Variants in UBAC2 observed in about 807,000 individuals in gnomAD.
The protein encoded by UBAC2 is ubiquitin-associated domain-containing protein 2.
Under a neutral mutation model 44.0 loss-of-function variants are expected in UBAC2, and 26 were observed. The observed-to-expected ratio is 0.59, with a 90% CI of 0.43 to 0.82. The LOEUF (loss-of-function observed/expected upper bound fraction) is 0.82. UBAC2 is among the 40% of genes least tolerant of loss of function. UBAC2 has a pLI of 0.00. For synonymous variants in UBAC2, 155 were observed against 154.3 expected (o/e 1.00, Z -0.04); for missense variants, 329 against 419.4 (o/e 0.78, Z 1.88).
intron 8 of UBAC2, among the ~76,000 whole-genome samples, chr13:99,383,520 G>A (rs555366579): frequency 9.2e-5 from 14 of 152,330 alleles, no homozygotes; most frequent in Non-Finnish European, 2.1e-4. Context: ...ACCTGAGGGC[G>A]CCATAGTGTC....
chr13:99,323,490 G>A (rs1454346833), intron 6 of UBAC2, among the ~76,000 whole-genome samples: 1 of 152,166 alleles, frequency 6.6e-6, no homozygotes, highest in East Asian at 1.9e-4. Context: ...AAAGCCATGA[G>A]GGTGATGGGA....
chr13:99,223,565 T>G (rs2043076677), intron 1 of UBAC2, among the ~76,000 whole-genome samples: 2 of 99,256 alleles, frequency 2.0e-5, no homozygotes, highest in African/African-American at 6.6e-5. Flanking sequence ...TTTTTTTTTT[T>G]TAAGATTGTA....
chr13:99,379,444 G>T (rs906954903), intron 8 of UBAC2, among the ~76,000 whole-genome samples: 2 of 152,132 alleles, frequency 1.3e-5, no homozygotes, highest in African/African-American at 4.8e-5. Flanking sequence ...AAAAAATTTG[G>T]TTTCATGTTT....
chr13:99,348,965 A>T (rs925201612), intron 7 of UBAC2, among the ~76,000 whole-genome samples: 1 of 152,240 alleles, frequency 6.6e-6, no homozygotes, highest in African/African-American at 2.4e-5. Flanking sequence ...TCACGGCTCA[A>T]AAAGAAAAAG....
intron 7 of UBAC2, among the ~76,000 whole-genome samples, chr13:99,344,088 C>T (rs1280966800): frequency 2.0e-5 from 3 of 152,178 alleles, no homozygotes; most frequent in Non-Finnish European, 4.4e-5. Context: ...AGACCACCAC[C>T]ATTTATTTTG....
chr13:99,253,553 A>T (rs558092350), intron 4 of UBAC2, among the ~76,000 whole-genome samples: 1 of 151,912 alleles, frequency 6.6e-6, no homozygotes, highest in South Asian at 2.1e-4. Context: ...TCGCTTTGTC[A>T]CCCAGGCTGG....
At chr13:99,362,484 A>G (rs928611420) in intron 7 of UBAC2, among the ~76,000 whole-genome samples, 1 of 152,220 alleles carries the variant, frequency 6.6e-6, no homozygotes, top group African/African-American at 2.4e-5. Context: ...TCAGCAACTT[A>G]TCAGAGTTCC....
At chr13:99,293,203 G>A (rs1731722785) in intron 4 of UBAC2, among the ~76,000 whole-genome samples, 1 of 152,178 alleles carries the variant, frequency 6.6e-6, no homozygotes, top group Admixed American at 6.5e-5. Context: ...ATAGTGGAGG[G>A]AGGAGGCAGA....
In UBAC2 at chr13:99,291,245, G is replaced by A. The variant is rs1421961625; in HGVS notation, c.390-22852G>A. On this transcript the variant is annotated intron_variant, in intron 4 of 8. Transcript: ENST00000403766. ...GTGGCATGTAGTCAGTGATCAGCAA[G>A]GTCTTAATCGAATAGAAATTTGGGG... 2.0e-5 allele frequency among the ~76,000 whole-genome samples: 3 copies of A among 152,164 alleles called. No homozygotes were observed. In the East Asian group the frequency reaches 5.8e-4, roughly 29 times the overall value.
At chr13:99,238,688 A>T in intron 2 of UBAC2, 134 bp downstream of exon 2, 2 of 789,514 alleles carry the variant, frequency 2.5e-6, no homozygotes, top group Non-Finnish European at 3.5e-6. Flanking sequence ...TTAATATTTC[A>T]TTAAGTAACT....
chr13:99,320,974 A>G (rs1007973751), intron 6 of UBAC2, among the ~76,000 whole-genome samples: 2 of 152,216 alleles, frequency 1.3e-5, no homozygotes, highest in African/African-American at 2.4e-5. Flanking sequence ...AATTCTTACT[A>G]TGCAAAAGAA....
chr13:99,329,802 C>G (rs1212575346), intron 6 of UBAC2, among the ~76,000 whole-genome samples: 4 of 152,204 alleles, frequency 2.6e-5, no homozygotes, highest in African/African-American at 9.7e-5. Context: ...TGACTACAGC[C>G]TCATGAGAGA....
At chr13:99,201,937 G>GTGGC (rs1405503102) in intron 1 of UBAC2, among the ~76,000 whole-genome samples, 2 of 152,076 alleles carry the variant, frequency 1.3e-5, no homozygotes, top group Admixed American at 6.6e-5. Context: ...GCTGGGCGTG[G>GTGGC]TGGCGGGTGC....
chr13:99,367,997 G>A (rs75838686), intron 8 of UBAC2, 91 bp downstream of exon 8: 31 of 1,475,304 alleles, frequency 2.1e-5, no homozygotes, highest in East Asian at 9.3e-5. Flanking sequence ...GTAATCAAGC[G>A]TGTAAATACA....
At chr13:99,350,182 A>G (rs1031152010) in intron 7 of UBAC2, among the ~76,000 whole-genome samples, 3 of 152,220 alleles carry the variant, frequency 2.0e-5, no homozygotes, top group African/African-American at 4.8e-5. Flanking sequence ...TCATCTCTAT[A>G]TCTAATTTGT....
At chr13:99,359,518 A>T (rs2045234992) in intron 7 of UBAC2, among the ~76,000 whole-genome samples, 1 of 152,052 alleles carries the variant, frequency 6.6e-6, no homozygotes, top group South Asian at 2.1e-4. Context: ...TGTTTCCTAA[A>T]TGTGTAAGTA....
intron 8 of UBAC2, among the ~76,000 whole-genome samples, chr13:99,379,850 C>T (rs1011253125): frequency 6.6e-6 from 1 of 152,160 alleles, no homozygotes. Context: ...TCACTGTTAC[C>T]CAGAGGGTAT....
chr13:99,318,388 A>G (rs1032396489), intron 6 of UBAC2, among the ~76,000 whole-genome samples: 6 of 151,490 alleles, frequency 4.0e-5, no homozygotes, highest in Admixed American at 3.3e-4. Context: ...GCTGGTCTCA[A>G]ACTCCTGACC....
rs541904142 is a variant in UBAC2, at chr13:99,354,367, TATA to T, written c.808-13417_808-13415del. Among the ~76,000 whole-genome samples, 215 of 152,354 alleles carry T rather than the reference TATA, an allele frequency of 1.4e-3. 1 individual carries two copies. The highest frequency in any genetic ancestry group is 2.0e-3 in the Non-Finnish European group (134 of 68,030). Reference sequence around the variant, plus strand: ...GTTTGGCCTTCCAGATGTTCTTTAATATAATGATTGGGAAGAGACAGCTCATAA... The same window carrying T: ...GTTTGGCCTTCCAGATGTTCTTTAATATGATTGGGAAGAGACAGCTCATAA... On this transcript the variant is annotated intron_variant, in intron 7 of 8. Coordinates refer to ENST00000403766, the MANE Select transcript of UBAC2 (RefSeq NM_001144072.2).
Sources: gnomAD v4.1 joint callset for allele counts (sites outside exome capture counted in the v4.1 genomes callset) on GRCh38, gnomAD v4.1.1 for gene constraint, MANE v1.5 for transcripts, NCBI Gene and HGNC (gene_info 2026-07-23, HGNC 2026-07-21) for gene names.